Variants in HUWE1 observed in about 807,000 individuals in gnomAD.
HUWE1 encodes E3 ubiquitin-protein ligase HUWE1.
A neutral mutation model predicts 299.4 loss-of-function variants in HUWE1; 18 were observed. That is an observed-to-expected ratio of 0.06 (90% CI 0.04 to 0.09). HUWE1 has a LOEUF of 0.09. HUWE1 is among the 10% of genes least tolerant of loss of function. The probability of loss-of-function intolerance (pLI) is 1.00; values close to 1 mark genes in which losing one functional copy is unlikely to be tolerated. For missense variants in HUWE1, 1,832 were observed against 3,462.3 expected (o/e 0.53, Z 11.82); for synonymous variants, 1,317 against 1,286.1 (o/e 1.02, Z -0.51).
intron 54 of HUWE1, 87 bp downstream of exon 54, chrX:53,562,024 C>T (rs2062318148): frequency 1.7e-6 from 2 of 1,211,181 alleles, no homozygotes; most frequent in Admixed American, 4.3e-5. Context: ...GACGCTGAGG[C>T]TAGCAACCCA....
At chrX:53,668,621 G>A (rs2073048689) in intron 3 of HUWE1, among the ~76,000 whole-genome samples, 1 of 111,295 alleles carries the variant, frequency 9.0e-6, no homozygotes, top group Non-Finnish European at 1.9e-5. Context: ...AGTCACCTCT[G>A]TAAAATAAAC....
At chrX:53,675,175 G>C (rs782746957) in intron 3 of HUWE1, among the ~76,000 whole-genome samples, 1 of 111,037 alleles carries the variant, frequency 9.0e-6, no homozygotes, top group Admixed American at 9.6e-5. Context: ...AGTACATTAA[G>C]GGTAGGGTAT....
chrX:53,669,961 AC>A (rs1260058838), intron 3 of HUWE1, among the ~76,000 whole-genome samples: 2 of 112,489 alleles, frequency 1.8e-5, no homozygotes, highest in African/African-American at 6.5e-5. Flanking sequence ...ATAGTTTAAA[AC>A]AGTTGAAAAA....
At chrX:53,638,118 C>A (rs1439581041) in intron 7 of HUWE1, among the ~76,000 whole-genome samples, 1 of 111,505 alleles carries the variant, frequency 9.0e-6, no homozygotes, top group Non-Finnish European at 1.9e-5. Flanking sequence ...CACATTTTAG[C>A]AGAAGCAAAG....
intron 2 of HUWE1, chrX:53,683,911 C>G (rs1028842779): frequency 2.3e-5 from 6 of 262,628 alleles, no homozygotes; most frequent in Admixed American, 1.4e-4. Flanking sequence ...GGACGTAACC[C>G]TGCTCCCGCG....
chrX:53,559,250 TAAAA>T, intron 57 of HUWE1, 100 bp downstream of exon 57: 1 of 968,708 alleles, frequency 1.0e-6, no homozygotes. Flanking sequence ...CTGGCTCCTA[TAAAA>T]TGGGGGTTTT....
Position 53,546,686 on chromosome X carries a change from A to C in HUWE1, c.10758+18T>G. On this transcript the variant is annotated intron_variant, in intron 69 of 83. Coordinates refer to ENST00000262854, the MANE Select transcript of HUWE1 (RefSeq NM_031407.7). ...CTTTCTCCCCAAGTCTTAGCAGATC[A>C]GAAGAGCTTGGACTCACCTCTACAG... 1 of 1,211,404 alleles carries C rather than the reference A, an allele frequency of 8.3e-7. No homozygotes were observed. The highest frequency in any genetic ancestry group is 2.3e-4 in the Middle Eastern group (1 of 4,353).
chrX:53,548,815 A>T, intron 67 of HUWE1, 144 bp downstream of exon 67: 1 of 525,778 alleles, frequency 1.9e-6, no homozygotes, highest in Non-Finnish European at 3.2e-6. Flanking sequence ...AGAAATATAT[A>T]GGACAATCCC....
chrX:53,560,407 G>A lies in HUWE1; in HGVS notation c.7517C>T (p.Pro2506Leu). 8.3e-7 allele frequency: 1 copy of A among 1,208,556 alleles called. No individual in the cohort carries two copies. Among genetic ancestry groups the A allele is most frequent in the Non-Finnish European group, 1.1e-6 (1 of 892,953 alleles). The change falls in exon 56 of 84, where the codon CCC becomes CTC. Residue 2506 changes from proline to leucine, a missense_variant. This residue lies in a region of HUWE1 where 170 missense variants were observed against 335.8 expected (regional missense o/e 0.51). Coordinates refer to ENST00000262854, the MANE Select transcript of HUWE1 (RefSeq NM_031407.7). ...GGTAGGGATATTTCCTGGGGATGGG[G>A]GGATGTCTGCTGCAAGGACAATATG... ...DNMFSSATDI[P>L]PSPGNIPTTH...
intron 47 of HUWE1, 51 bp from the exon 48 acceptor site, chrX:53,569,878 T>G: frequency 9.6e-7 from 1 of 1,036,352 alleles, no homozygotes; most frequent in Non-Finnish European, 1.4e-6. Flanking sequence ...TTATGCCATA[T>G]CATTTGCACA....
chrX:53,565,236 G>GGGACTGAGATAAGGGAAGATAAAGAGAT lies in HUWE1; in HGVS notation c.6708-25_6710dup (p.Asn2238SerfsTer34). The GGGACTGAGATAAGGGAAGATAAAGAGAT allele has an allele frequency of 1.7e-6, 2 of 1,205,715 alleles. No individual in the cohort carries two copies. Among genetic ancestry groups the GGGACTGAGATAAGGGAAGATAAAGAGAT allele is most frequent in the Non-Finnish European group, 2.2e-6 (2 of 891,004 alleles). On this transcript the variant is annotated frameshift_variant, in exon 50 of 84. Coordinates refer to ENST00000262854, the MANE Select transcript of HUWE1 (RefSeq NM_031407.7). LOFTEE classifies it high-confidence loss of function. ...CAGCATTGACTGTGTTGGCCATGTT[G>GGGACTGAGATAAGGGAAGATAAAGAGAT]GGACTGAGATAAGGGAAGATAAAGA...
At chrX:53,649,645 G>T (rs782177202) in intron 4 of HUWE1, among the ~76,000 whole-genome samples, 8 of 112,085 alleles carry the variant, frequency 7.1e-5, no homozygotes, top group African/African-American at 2.6e-4. Context: ...CCTCTAAGAT[G>T]TAAGTTGAGG....
Position 53,634,317 on chromosome X carries a change from T to C in HUWE1, c.505-19A>G. On this transcript the variant is annotated intron_variant, in intron 7 of 83. Transcript: ENST00000262854. Reference sequence around the variant, plus strand: ...CCCAGCTCTTGAAAAAGGAAAAAGATAGTGTTAAGACAGTGCTTATGGTGA... The same window carrying C: ...CCCAGCTCTTGAAAAAGGAAAAAGACAGTGTTAAGACAGTGCTTATGGTGA... 1 of 1,171,130 alleles carries C rather than the reference T, an allele frequency of 8.5e-7. No individual in the cohort carries two copies. Among genetic ancestry groups the C allele is most frequent in the African/African-American group, 1.8e-5 (1 of 57,013 alleles).
At position 53,535,266 on chromosome X, in the gene HUWE1, T is replaced by C. The variant is rs1214638281; in HGVS notation, c.12649+118A>G. On this transcript the variant is annotated intron_variant, in intron 81 of 83. Transcript: ENST00000262854. ...ATTTTTGATCAAGTGTTTTGTCTTT[T>C]GTGCAAGGCATTTGTGGCTCTGTCA... The C allele has an allele frequency of 7.2e-5, 40 of 557,466 alleles. No homozygotes were observed. The South Asian group carries it at 9.1e-4, about 13-fold the overall frequency. 45.9% of individuals were successfully genotyped at this position (557,466 alleles called of 1,213,427 possible).
intron 59 of HUWE1, among the ~76,000 whole-genome samples, chrX:53,557,958 G>C (rs1236203664): frequency 2.7e-5 from 3 of 111,671 alleles, no homozygotes; most frequent in Non-Finnish European, 5.6e-5. Flanking sequence ...CTTAACTGCT[G>C]AGTAGGGTAT....
At position 53,561,838 on chromosome X, in the gene HUWE1, G is replaced by A. The variant is rs2062309059; in HGVS notation, c.7425C>T (p.Asn2475=). The A allele has an allele frequency of 5.0e-6, 6 of 1,211,568 alleles. No individual in the cohort carries two copies. Among genetic ancestry groups the A allele is most frequent in the Non-Finnish European group, 5.6e-6 (5 of 895,447 alleles). The part of the protein sequence containing the change: ...MELDEDYPDM[N]ASPLVRFERF... ...GCTCAAATCGGACCAAGGGAGAAGC[G>A]TTCATATCAGGATAATCCTCATCCA... Residue 2475 remains asparagine, a synonymous_variant, in exon 55 of 84, where the codon AAC becomes AAT. Transcript: ENST00000262854.
Position 53,557,415 on chromosome X carries a change from T to G in HUWE1, c.8173A>C (p.Lys2725Gln), listed in dbSNP as rs1556936145. The change falls in exon 60 of 84, where the codon AAG becomes CAG. Residue 2725 changes from lysine (K) to glutamine (Q), a missense_variant. Coordinates refer to ENST00000262854, the MANE Select transcript of HUWE1 (RefSeq NM_031407.7). Reference sequence around the variant, plus strand: ...TTCTGTTCAGTGGAGTCATTTGACTTAGATGCAGTACACTGCAAAAAGAAG... The same window carrying G: ...TTCTGTTCAGTGGAGTCATTTGACTGAGATGCAGTACACTGCAAAAAGAAG... The part of the protein sequence containing the change: ...RDQSAQCTAS[K>Q]SNDSTEQNLS... 4 of 1,208,333 alleles carry G rather than the reference T, an allele frequency of 3.3e-6. No individual in the cohort carries two copies. The highest frequency in any genetic ancestry group is 4.5e-6 in the Non-Finnish European group (4 of 892,506).
intron 67 of HUWE1, among the ~76,000 whole-genome samples, chrX:53,548,671 A>G (rs782118411): frequency 1.4e-4 from 16 of 112,778 alleles, no homozygotes; most frequent in Non-Finnish European, 2.8e-4. Context: ...ATCACTTTCT[A>G]ATCATAAGAC....
intron 17 of HUWE1, chrX:53,625,886 G>A: frequency 3.0e-6 from 1 of 328,874 alleles, no homozygotes; most frequent in South Asian, 2.8e-5. Context: ...CGGGGCCAGG[G>A]CCGGTGCCGG....
Sources: gnomAD v4.1 joint callset for allele counts (sites outside exome capture counted in the v4.1 genomes callset) on GRCh38, gnomAD v4.1.1 for gene constraint, gnomAD v4.1.1 regional missense constraint, MANE v1.5 for transcripts, NCBI Gene and HGNC (gene_info 2026-07-23, HGNC 2026-07-21) for gene names.